Variants in KCNIP4 observed in about 807,000 individuals in gnomAD.
KCNIP4 encodes the protein potassium voltage-gated channel interacting protein 4.
A neutral mutation model predicts 34.0 loss-of-function variants in KCNIP4; 12 were observed. The ratio of observed to expected loss-of-function variants is 0.35; its 90% confidence interval spans 0.23 to 0.57. The LOEUF is 0.57. KCNIP4 is among the 20% of genes least tolerant of loss of function. The pLI is 0.83. For missense variants in KCNIP4, 238 were observed against 311.7 expected, an observed-to-expected ratio of 0.76 and a Z score of 1.78; for synonymous variants, 124 against 102.2, an observed-to-expected ratio of 1.21 and a Z score of -1.29.
chr4:21,233,016 G>T (rs1758910635), intron 1 of KCNIP4, among the ~76,000 whole-genome samples: 1 of 152,098 alleles, frequency 6.6e-6, no homozygotes, highest in Non-Finnish European at 1.5e-5. Context: ...AAGAACATCA[G>T]AGACAAGAAG....
intron 1 of KCNIP4, among the ~76,000 whole-genome samples, chr4:21,864,692 G>C (rs532988767): frequency 1.3e-5 from 2 of 152,148 alleles, no homozygotes; most frequent in African/African-American, 4.8e-5. Context: ...GTCTGGTATC[G>C]AGAAAAGGGT....
intron 1 of KCNIP4, among the ~76,000 whole-genome samples, chr4:21,917,323 G>T (rs1001935062): frequency 2.0e-5 from 3 of 151,986 alleles, no homozygotes; most frequent in Admixed American, 1.3e-4. Context: ...TTTTAATAGA[G>T]ACTGGGTTTC....
intron 1 of KCNIP4, among the ~76,000 whole-genome samples, chr4:20,933,780 T>C (rs12650955): frequency 2.6e-5 from 4 of 151,634 alleles, no homozygotes; most frequent in Non-Finnish European, 5.9e-5. Flanking sequence ...CAGTACTGAA[T>C]TGAAATTACT....
At chr4:20,977,951 C>T (rs1735649443) in intron 1 of KCNIP4, among the ~76,000 whole-genome samples, 2 of 152,138 alleles carry the variant, frequency 1.3e-5, no homozygotes, top group East Asian at 1.9e-4. Context: ...GGCCTCTAAC[C>T]AATTCGGAAA....
intron 1 of KCNIP4, among the ~76,000 whole-genome samples, chr4:21,298,125 C>T (rs980002731): frequency 2.6e-5 from 4 of 152,090 alleles, no homozygotes; most frequent in South Asian, 2.1e-4. Context: ...AATTCCAAGG[C>T]GAGGCATATG....
intron 1 of KCNIP4, among the ~76,000 whole-genome samples, chr4:21,105,261 T>C (rs565643471): frequency 2.6e-5 from 4 of 151,796 alleles, no homozygotes; most frequent in African/African-American, 9.7e-5. Flanking sequence ...TTGTATCCTT[T>C]TTTATTTCAT....
chr4:21,396,334 T>A (rs1409680387), intron 1 of KCNIP4, among the ~76,000 whole-genome samples: 2 of 151,686 alleles, frequency 1.3e-5, no homozygotes, highest in Non-Finnish European at 2.9e-5. Flanking sequence ...GGTGGGTGGA[T>A]CACCTCAGGT....
intron 1 of KCNIP4, among the ~76,000 whole-genome samples, chr4:21,935,197 C>A (rs1729787443): frequency 6.6e-6 from 1 of 152,044 alleles, no homozygotes; most frequent in Admixed American, 6.6e-5. Flanking sequence ...CCACCAACAC[C>A]CTTCTCTAAC....
intron 1 of KCNIP4, among the ~76,000 whole-genome samples, chr4:21,076,844 T>G (rs1745532165): frequency 6.6e-6 from 1 of 152,060 alleles, no homozygotes; most frequent in Non-Finnish European, 1.5e-5. Context: ...TGTTGGGGGC[T>G]GGGTGCAGTG....
chr4:21,384,814 G>T (rs540839830), intron 1 of KCNIP4, among the ~76,000 whole-genome samples: 1 of 152,342 alleles, frequency 6.6e-6, no homozygotes, highest in South Asian at 2.1e-4. Context: ...GGGAGGTAAT[G>T]AGATTTTTAC....
chr4:21,223,190 A>G lies in KCNIP4; in HGVS notation c.62-340481T>C, dbSNP rs188018633. ...GAGGCAAGTGGGGCAGGGTCAGAAA[A>G]AGGTGATATAATCCTGGAAGCAGAG... On this transcript the variant is annotated intron_variant, in intron 1 of 8. Transcript: ENST00000382152. Among the ~76,000 whole-genome samples, 394 of 152,272 alleles carry G rather than the reference A, an allele frequency of 2.6e-3. 1 individual carries two copies. Among genetic ancestry groups the G allele is most frequent in the African/African-American group, 9.0e-3 (374 of 41,558 alleles).
rs145874498 is a variant in KCNIP4, at chr4:21,636,170, A to G, written c.61+312401T>C. Reference sequence around the variant, plus strand: ...GGGGGGAGGGGGGAGGGATAGCATTAGGTGATATACCTAACGCTAGATGAC... The same window carrying G: ...GGGGGGAGGGGGGAGGGATAGCATTGGGTGATATACCTAACGCTAGATGAC... On this transcript the variant is annotated intron_variant, in intron 1 of 8. Coordinates refer to ENST00000382152, the MANE Select transcript of KCNIP4 (RefSeq NM_025221.6). 5.4e-3 allele frequency among the ~76,000 whole-genome samples: 812 copies of G among 150,398 alleles called. 7 individuals carry two copies. The highest frequency in any genetic ancestry group is 0.019 in the African/African-American group (757 of 40,658).
intron 1 of KCNIP4, among the ~76,000 whole-genome samples, chr4:20,908,913 C>G (rs1728063244): frequency 6.6e-6 from 1 of 152,168 alleles, no homozygotes; most frequent in African/African-American, 2.4e-5. Flanking sequence ...TAGTAAATAG[C>G]TTGTAAATAT....
intron 1 of KCNIP4, among the ~76,000 whole-genome samples, chr4:21,813,643 C>G (rs1005550985): frequency 6.6e-6 from 1 of 152,062 alleles, no homozygotes; most frequent in Non-Finnish European, 1.5e-5. Context: ...AACAGGCAAA[C>G]TAATGCAAAT....
intron 1 of KCNIP4, among the ~76,000 whole-genome samples, chr4:21,059,141 A>C (rs974697837): frequency 6.6e-6 from 1 of 152,094 alleles, no homozygotes; most frequent in African/African-American, 2.4e-5. Flanking sequence ...TTTCTTTATA[A>C]ATTACCTAGT....
chr4:21,779,789 T>C (rs1428906849), intron 1 of KCNIP4, among the ~76,000 whole-genome samples: 1 of 151,990 alleles, frequency 6.6e-6, no homozygotes, highest in Non-Finnish European at 1.5e-5. Context: ...TAGCCAGGCA[T>C]GGTGGCACAC....
chr4:21,823,953 T>G (rs1262818878), intron 1 of KCNIP4, among the ~76,000 whole-genome samples: 1 of 152,100 alleles, frequency 6.6e-6, no homozygotes, highest in Non-Finnish European at 1.5e-5. Context: ...TTTGGCCAGG[T>G]GACATATTTT....
chr4:21,225,478 T>C (rs1408903567), intron 1 of KCNIP4, among the ~76,000 whole-genome samples: 1 of 152,172 alleles, frequency 6.6e-6, no homozygotes, highest in Admixed American at 6.5e-5. Context: ...TATGGATCAA[T>C]ATAGTTGTGA....
intron 1 of KCNIP4, among the ~76,000 whole-genome samples, chr4:21,194,210 C>T (rs1488082502): frequency 6.6e-6 from 1 of 152,042 alleles, no homozygotes; most frequent in Non-Finnish European, 1.5e-5. Context: ...TTAATTTAAG[C>T]ACCAATGGGC....
Sources: gnomAD v4.1 joint callset for allele counts (sites outside exome capture counted in the v4.1 genomes callset) on GRCh38, gnomAD v4.1.1 for gene constraint, MANE v1.5 for transcripts, NCBI Gene and HGNC (gene_info 2026-07-23, HGNC 2026-07-21) for gene names.